The following STK33 variants were observed in gnomAD, a reference collection of about 807,000 sequenced individuals.
The protein encoded by STK33 is serine/threonine-protein kinase 33.
A neutral mutation model predicts 58.0 loss-of-function variants in STK33; 52 were observed. The observed-to-expected ratio is 0.90, with a 90% CI of 0.72 to 1.13. STK33 has a LOEUF of 1.13. Ranked by LOEUF, STK33 falls within the 50% of genes most tolerant of loss-of-function variation. The pLI, the probability that STK33 is intolerant of heterozygous loss-of-function variation, is 0.00. For missense variants in STK33, 630 were observed against 604.2 expected (o/e 1.04, Z -0.45); for synonymous variants, 215 against 200.1 (o/e 1.07, Z -0.63).
chr11:8,433,138 C>T (rs1272803605), intron 14 of STK33, among the ~76,000 whole-genome samples: 1 of 152,154 alleles, frequency 6.6e-6, no homozygotes, highest in East Asian at 1.9e-4. Flanking sequence ...AACTCATTTG[C>T]ACAATTACTT....
the STK33 span, among the ~76,000 whole-genome samples, chr11:8,365,065 T>C: frequency 7.1e-6 from 1 of 139,970 alleles, no homozygotes; most frequent in Admixed American, 7.6e-5. Flanking sequence ...AACAGCTGGT[T>C]AGTCCCTTCT....
chr11:8,464,630 T>C (rs1947949124), intron 7 of STK33, 79 bp downstream of exon 7: 5 of 943,744 alleles, frequency 5.3e-6, no homozygotes, highest in Non-Finnish European at 8.2e-6. Flanking sequence ...CAGCTTGTGT[T>C]AGTGTAAAAA....
chr11:8,397,120 C>G (rs1849496321), intron 15 of STK33, among the ~76,000 whole-genome samples: 1 of 152,224 alleles, frequency 6.6e-6, no homozygotes, highest in Non-Finnish European at 1.5e-5. Context: ...AGTAGTAGTT[C>G]TCCCAGCACG....
chr11:8,391,237 T>A (rs1318854390), downstream of STK33, among the ~76,000 whole-genome samples: 1 of 152,112 alleles, frequency 6.6e-6, no homozygotes, highest in African/African-American at 2.4e-5. Context: ...GAACTAGACA[T>A]CAAGAAGGGA....
chr11:8,527,072 T>C (rs998740300), intron 1 of STK33, among the ~76,000 whole-genome samples: 1 of 151,330 alleles, frequency 6.6e-6, no homozygotes, highest in Non-Finnish European at 1.5e-5. Context: ...CCGGGGTTCA[T>C]GCAATTCTCC....
chr11:8,531,183 T>C (rs1407055911), intron 1 of STK33, among the ~76,000 whole-genome samples: 1 of 152,084 alleles, frequency 6.6e-6, no homozygotes, highest in East Asian at 1.9e-4. Flanking sequence ...TTTGAAATGA[T>C]TAATAAAATA....
At chr11:8,541,421 G>A (rs188373662) in intron 1 of STK33, among the ~76,000 whole-genome samples, 46 of 152,118 alleles carry the variant, frequency 3.0e-4, no homozygotes, top group African/African-American at 9.6e-4. Context: ...CCCAGACCAC[G>A]GTTTTATACA....
chr11:8,549,271 T>C (rs1326130041), intron 1 of STK33, among the ~76,000 whole-genome samples: 1 of 152,172 alleles, frequency 6.6e-6, no homozygotes, highest in East Asian at 1.9e-4. Flanking sequence ...AGATGTGTCA[T>C]ATTTATTAAT....
intron 1 of STK33, among the ~76,000 whole-genome samples, chr11:8,523,977 ATTC>A (rs1466989126): frequency 6.6e-6 from 1 of 152,228 alleles, no homozygotes; most frequent in Non-Finnish European, 1.5e-5. Context: ...ACTAAGAAAA[ATTC>A]TTCTGCCTTG....
At chr11:8,389,082 C>T (rs956765348), downstream of STK33, among the ~76,000 whole-genome samples, 2 of 148,946 alleles carry the variant, frequency 1.3e-5, no homozygotes, top group African/African-American at 4.9e-5. Flanking sequence ...AGGTGGTAAA[C>T]TTAAATGCGG....
chr11:8,362,326 G>T, the STK33 span, among the ~76,000 whole-genome samples: 1 of 152,146 alleles, frequency 6.6e-6, no homozygotes, highest in African/African-American at 2.4e-5. Flanking sequence ...CTCTATAATT[G>T]TAAAAGTGTA....
At chr11:8,335,035 G>C in the STK33 span, among the ~76,000 whole-genome samples, 2 of 152,244 alleles carry the variant, frequency 1.3e-5, no homozygotes, top group Non-Finnish European at 1.5e-5. Flanking sequence ...TCCATGCTGT[G>C]GCAGATCCTG....
chr11:8,587,432 CTCA>C (rs2031866043), intron 1 of STK33, among the ~76,000 whole-genome samples: 1 of 152,092 alleles, frequency 6.6e-6, no homozygotes, highest in East Asian at 1.9e-4. Flanking sequence ...TGAGCCTGAG[CTCA>C]CCAATCCTAA....
the STK33 span, among the ~76,000 whole-genome samples, chr11:8,368,407 G>A: frequency 6.6e-6 from 1 of 152,186 alleles, no homozygotes; most frequent in Non-Finnish European, 1.5e-5. Context: ...TCCTTGGCCT[G>A]TGCCATCAAG....
chr11:8,540,263 T>C (rs1425104649), intron 1 of STK33, among the ~76,000 whole-genome samples: 1 of 151,830 alleles, frequency 6.6e-6, no homozygotes, highest in Non-Finnish European at 1.5e-5. Flanking sequence ...GGAGGATCGT[T>C]TGAGGCTAGA....
the STK33 span, among the ~76,000 whole-genome samples, chr11:8,382,202 G>A: frequency 1.3e-5 from 2 of 152,212 alleles, no homozygotes; most frequent in African/African-American, 2.4e-5. Context: ...GCTGTGTCAC[G>A]CTACATTGGG....
Position 8,495,795 on chromosome 11 carries a change from G to A in STK33, c.-465-15181C>T, listed in dbSNP as rs186158955. Among the ~76,000 whole-genome samples, 308 of 152,264 alleles carry A rather than the reference G, an allele frequency of 2.0e-3. 2 individuals are homozygous for A. The highest frequency in any genetic ancestry group is 3.1e-3 in the Non-Finnish European group (210 of 68,032). ...AAAAAAGGATGAGTTGATGTCCTTT[G>A]CAGGCACATGGATGAAGCTGAAAAC... is the stretch of plus-strand genomic sequence containing the variant. On this transcript the variant is annotated intron_variant, in intron 1 of 15. Transcript: ENST00000687296.
the STK33 span, among the ~76,000 whole-genome samples, chr11:8,350,708 A>T: frequency 6.6e-6 from 1 of 152,160 alleles, no homozygotes; most frequent in Non-Finnish European, 1.5e-5. Context: ...AGGAACCTGC[A>T]CCAGAATGAG....
chr11:8,424,438 A>T (rs6578967), intron 14 of STK33, among the ~76,000 whole-genome samples: 2 of 148,688 alleles, frequency 1.3e-5, no homozygotes, highest in Non-Finnish European at 3.0e-5. Context: ...GAATAGTGCC[A>T]CAATAAACAT....
Sources: allele counts gnomAD v4.1 joint callset (sites outside exome capture counted in the v4.1 genomes callset), GRCh38; gene constraint gnomAD v4.1.1; transcripts MANE v1.5; gene names NCBI Gene and HGNC (gene_info 2026-07-23, HGNC 2026-07-21).